The following VCPIP1 variants were observed in gnomAD, a reference collection of about 807,000 sequenced individuals.
The protein encoded by VCPIP1 is valosin containing protein interacting protein 1.
Under a neutral mutation model 85.0 loss-of-function variants are expected in VCPIP1, and 8 were observed. The ratio of observed to expected loss-of-function variants is 0.09; its 90% CI spans 0.06 to 0.17. The LOEUF (loss-of-function observed/expected upper bound fraction) is 0.17, where lower values mean the gene tolerates loss of function less well. Ranked by LOEUF, VCPIP1 falls within the 10% of genes least tolerant of loss-of-function variation. VCPIP1 has a pLI of 1.00. For synonymous variants in VCPIP1, 543 were observed against 544.5 expected (o/e 1.00, Z 0.04); for missense variants, 1,070 against 1,486.3 (o/e 0.72, Z 4.61).
In VCPIP1 at chr8:66,664,601, C is replaced by T; in HGVS notation, c.2358G>A (p.Gln786=). The T allele has an allele frequency of 6.2e-7, 1 of 1,614,146 alleles. No homozygotes were observed. Among genetic ancestry groups the T allele is most frequent in the Non-Finnish European group, 8.5e-7 (1 of 1,180,018 alleles). Residue 786 remains glutamine (Q), a synonymous_variant, in exon 1 of 3, where the codon CAG becomes CAA. Transcript: ENST00000310421. The part of the protein sequence containing the change: ...KIRITTNDGR[Q]SMVTLKSSTT... ...TTGAAGACTTAAGGGTAACCATGGA[C>T]TGTCGTCCATCATTAGTTGTGATTC...
chr8:66,664,810 G>C lies in VCPIP1; in HGVS notation c.2149C>G (p.Gln717Glu). 1.2e-6 allele frequency: 2 copies of C among 1,612,888 alleles called. No homozygotes were observed. Among genetic ancestry groups the C allele is most frequent in the Non-Finnish European group, 1.7e-6 (2 of 1,179,624 alleles). The change falls in exon 1 of 3, where the codon CAA becomes GAA. Residue 717 changes from glutamine to glutamate, a missense_variant. Physicochemically the swap from Gln to Glu is conservative, Grantham distance 29. Around this residue, in one of 8 missense-constraint regions of VCPIP1, gnomAD observed 278 missense variants for 298.5 expected, o/e 0.93. Transcript: ENST00000310421. Reference sequence around the variant, plus strand: ...GAAGCCTGTTCCGTAATATTCTGTTGAATAGTTCTTTCAGTTTTACTCATG... The same window carrying C: ...GAAGCCTGTTCCGTAATATTCTGTTCAATAGTTCTTTCAGTTTTACTCATG... Reference protein sequence around the residue: ...LNMSKTERTIQQNITEQASVM... With the variant: ...LNMSKTERTIEQNITEQASVM...
intron 1 of VCPIP1, 54 bp from the exon 2 acceptor site, chr8:66,651,598 G>C: frequency 6.8e-7 from 1 of 1,480,614 alleles, no homozygotes; most frequent in Non-Finnish European, 9.3e-7. Context: ...GTTCCATCCA[G>C]GGCTGCTTTA....
intron 2 of VCPIP1, among the ~76,000 whole-genome samples, chr8:66,650,528 A>G (rs1302885718): frequency 2.0e-5 from 3 of 152,218 alleles, no homozygotes; most frequent in Non-Finnish European, 4.4e-5. Context: ...AGATACAGAC[A>G]TACACTTGTA....
chr8:66,667,179 C>T lies in VCPIP1; in HGVS notation c.-221G>A, dbSNP rs886372707. 117 of 924,716 alleles carry T rather than the reference C, an allele frequency of 1.3e-4. No individual in the cohort carries two copies. Among genetic ancestry groups the T allele is most frequent in the Admixed American group, 1.0e-4 (3 of 30,074 alleles). 57.3% of individuals were successfully genotyped at this position (924,716 alleles called of 1,614,324 possible). On this transcript the variant is annotated 5_prime_UTR_variant, in exon 1 of 3. Coordinates refer to ENST00000310421, the MANE Select transcript of VCPIP1 (RefSeq NM_025054.5). ...CCGTTGCCCCGAACGTAACGGCCAC[C>T]ACCCCACCCCGCACTCACACTCACT...
At chr8:66,641,202 C>T (rs1810944588) in intron 2 of VCPIP1, among the ~76,000 whole-genome samples, 1 of 152,134 alleles carries the variant, frequency 6.6e-6, no homozygotes, top group Non-Finnish European at 1.5e-5. Flanking sequence ...CTTCACAAGC[C>T]CCTCGGGGGT....
At chr8:66,658,813 G>A (rs1375691423) in intron 1 of VCPIP1, among the ~76,000 whole-genome samples, 2 of 151,980 alleles carry the variant, frequency 1.3e-5, no homozygotes, top group Non-Finnish European at 2.9e-5. Flanking sequence ...AGGCATTTAC[G>A]ACATCAAGAG....
rs56682762 is a variant in VCPIP1 at position 66,631,760 on chromosome 8, C to G, written c.*2741G>C. ...TAAAAATATCTGAAACAGAGTGAAG[C>G]GGGAGAAATGGGTTTGCTCTTTAAC... is the stretch of plus-strand genomic sequence containing the variant. On this transcript the variant is annotated 3_prime_UTR_variant, in exon 3 of 3. Coordinates refer to ENST00000310421, the MANE Select transcript of VCPIP1 (RefSeq NM_025054.5). The G allele has an allele frequency of 0.13, 20,346 of 152,392 alleles. 3,241 individuals are homozygous for G. Among genetic ancestry groups the G allele is most frequent in the African/African-American group, 0.38 (15,670 of 41,412 alleles). 9.4% of individuals were successfully genotyped at this position (152,392 alleles called of 1,614,324 possible). A position where few individuals can be genotyped will look rare whatever the true frequency, so the allele number is the denominator to read the frequency against.
Position 66,664,834 on chromosome 8 carries a change from T to A in VCPIP1, c.2125A>T (p.Met709Leu). Residue 709 changes from methionine to leucine, a missense_variant, in exon 1 of 3, where the codon ATG (methionine) becomes TTG (leucine). Physicochemically the swap from Met to Leu is conservative, Grantham distance 15. Transcript: ENST00000310421. ...TKTLHKEELN[M>L]SKTERTIQQN... ...TGAATAGTTCTTTCAGTTTTACTCA[T>A]GTTTAACTCCTCCTTGTGCAAAGTT... 6.2e-7 allele frequency: 1 copy of A among 1,613,846 alleles called. No homozygotes were observed. Among genetic ancestry groups the A allele is most frequent in the Non-Finnish European group, 8.5e-7 (1 of 1,179,934 alleles).
At position 66,634,627 on chromosome 8, in the gene VCPIP1, A is replaced by T. The variant is rs768225952; in HGVS notation, c.3543T>A (p.Asp1181Glu). 1.9e-6 allele frequency: 3 copies of T among 1,614,238 alleles called. No homozygotes were observed. Reference protein sequence around the residue: ...NTETTDGCVADALGAAFATRS... With the variant: ...NTETTDGCVAEALGAAFATRS... The stretch of plus-strand genomic sequence containing the variant: ...TTGTGGCAAAGGCTGCTCCCAGTGC[A>T]TCTGCTACACAGCCATCAGTTGTTT... The change falls in exon 3 of 3, where the codon GAT becomes GAA. Residue 1181 changes from aspartate to glutamate, a missense_variant. Around this residue, in one of 8 missense-constraint regions of VCPIP1, gnomAD observed 255 missense variants for 289.5 expected, o/e 0.88. Coordinates refer to ENST00000310421, the MANE Select transcript of VCPIP1 (RefSeq NM_025054.5).
chr8:66,649,331 C>T (rs894874678), intron 2 of VCPIP1, among the ~76,000 whole-genome samples: 4 of 151,696 alleles, frequency 2.6e-5, no homozygotes, highest in Admixed American at 6.6e-5. Flanking sequence ...GGCAACATGG[C>T]GAAACCCCAT....
At chr8:66,642,859 T>C (rs530171298) in intron 2 of VCPIP1, among the ~76,000 whole-genome samples, 11 of 152,096 alleles carry the variant, frequency 7.2e-5, no homozygotes, top group Non-Finnish European at 1.5e-4. Flanking sequence ...TGCAGTTGCA[T>C]GGAAGATAGT....
Position 66,629,745 on chromosome 8 carries a change from G to A in VCPIP1, c.*4756C>T, listed in dbSNP as rs1810815123. 1 of 152,504 alleles carries A rather than the reference G, an allele frequency of 6.6e-6. No homozygotes were observed. Among genetic ancestry groups the A allele is most frequent in the African/African-American group, 2.4e-5 (1 of 41,462 alleles). The allele number at this position is 152,504 out of a possible 1,614,324, so 9.4% of individuals were successfully genotyped here. A position where few individuals can be genotyped will look rare whatever the true frequency, so the allele number is the denominator to read the frequency against. ...TGCCTGTAGTCCCAGCTATTCAGGA[G>A]GCTGAGGTGGGAGGATCACTTGAGC... On this transcript the variant is annotated 3_prime_UTR_variant, in exon 3 of 3. Transcript: ENST00000310421.
intron 2 of VCPIP1, among the ~76,000 whole-genome samples, chr8:66,639,858 GGAT>G (rs1045668491): frequency 1.3e-5 from 2 of 151,892 alleles, no homozygotes; most frequent in African/African-American, 4.8e-5. Flanking sequence ...TTTGACCACA[GGAT>G]GATGATGATG....
chr8:66,652,010 C>CAAAA (rs113576250), intron 1 of VCPIP1, among the ~76,000 whole-genome samples: 1 of 73,552 alleles, frequency 1.4e-5, no homozygotes, highest in Non-Finnish European at 3.1e-5. Context: ...TCTATCTCTA[C>CAAAA]AAAAAAAAAA....
rs1810841976 is a variant in VCPIP1, at chr8:66,632,294, C to T, written c.*2207G>A. On this transcript the variant is annotated 3_prime_UTR_variant, in exon 3 of 3. Coordinates refer to ENST00000310421, the MANE Select transcript of VCPIP1 (RefSeq NM_025054.5). ...TACTTCTCAAAAACCATCAATTCAC[C>T]CCAACCAAATTTTCAGCTGATTTGA... 1 of 152,024 alleles carries T rather than the reference C, an allele frequency of 6.6e-6. No homozygotes were observed. Among genetic ancestry groups the T allele is most frequent in the African/African-American group, 2.4e-5 (1 of 41,434 alleles). The allele number at this position is 152,024 out of a possible 1,614,324, so 9.4% of individuals were successfully genotyped here. A position where few individuals can be genotyped will look rare whatever the true frequency, so the allele number is the denominator to read the frequency against.
At chr8:66,652,097 G>C (rs1811060012) in intron 1 of VCPIP1, among the ~76,000 whole-genome samples, 2 of 152,126 alleles carry the variant, frequency 1.3e-5, no homozygotes, top group Admixed American at 6.5e-5. Context: ...GGAGTGGCTG[G>C]GGGGAACCCC....
chr8:66,634,316 C>G lies in VCPIP1; in HGVS notation c.*185G>C, dbSNP rs1207854457. ...CTAATTTATAGAAATTCAGAGCCAG[C>G]CTGGGCAGCAGTATATTAAAAGCTA... is the stretch of plus-strand genomic sequence containing the variant. On this transcript the variant is annotated 3_prime_UTR_variant, in exon 3 of 3. Coordinates refer to ENST00000310421, the MANE Select transcript of VCPIP1 (RefSeq NM_025054.5). 2 of 546,618 alleles carry G rather than the reference C, an allele frequency of 3.7e-6. No homozygotes were observed. The highest frequency in any genetic ancestry group is 5.8e-6 in the Non-Finnish European group (2 of 345,258). 33.9% of individuals were successfully genotyped at this position (546,618 alleles called of 1,614,324 possible). A position where few individuals can be genotyped will look rare whatever the true frequency, so the allele number is the denominator to read the frequency against.
Position 66,632,045 on chromosome 8 carries a change from T to G in VCPIP1, c.*2456A>C, listed in dbSNP as rs1810838751. 6.6e-6 allele frequency: 1 copy of G among 151,470 alleles called. No individual in the cohort carries two copies. Among genetic ancestry groups the G allele is most frequent in the Non-Finnish European group, 1.5e-5 (1 of 67,772 alleles). The allele number at this position is 151,470 out of a possible 1,614,324, so 9.4% of individuals were successfully genotyped here. On this transcript the variant is annotated 3_prime_UTR_variant, in exon 3 of 3. Transcript: ENST00000310421. ...ACAGAATTGCAGGAATGCATTTTAG[T>G]TATAATGTTACCTCTAGGGCTAAAA...
rs1811208624 is a variant in VCPIP1, at chr8:66,666,264, T to C, written c.695A>G (p.Glu232Gly). ...CTCTCTTAAGGCATGCCAGAAGAGC[T>C]CTCGGCCTACTAGAGCCCGAGACAC... ...HAVSRALVGR[E>G]LFWHALRENL... is the part of the protein sequence containing the mutation. Residue 232 changes from glutamate to glycine, a missense_variant, in exon 1 of 3, where the codon GAG (glutamate) becomes GGG (glycine). By Grantham distance (98) the Glu-to-Gly change is moderately conservative. Transcript: ENST00000310421. This position sits in a 1 kb window ranked among gnomAD's most constrained non-coding sequence, Gnocchi z 6.3. The C allele has an allele frequency of 6.2e-7, 1 of 1,613,862 alleles. No individual in the cohort carries two copies. Among genetic ancestry groups the C allele is most frequent in the Non-Finnish European group, 8.5e-7 (1 of 1,180,008 alleles).
Sources: gnomAD v4.1 joint callset for allele counts (sites outside exome capture counted in the v4.1 genomes callset) on GRCh38, gnomAD v4.1.1 for gene constraint, gnomAD v4.1.1 regional missense constraint, Gnocchi (gnomAD v3.1) non-coding constraint, MANE v1.5 for transcripts, NCBI Gene and HGNC (gene_info 2026-07-23, HGNC 2026-07-21) for gene names.